FRMD5: variants seen among roughly 807,000 people sequenced by gnomAD.
FRMD5 encodes the protein FERM domain-containing protein 5.
In FRMD5, 20 loss-of-function variants were observed where a neutral mutation model predicts 69.0. The observed-to-expected ratio is 0.29, with a 90% CI of 0.20 to 0.42. The LOEUF (loss-of-function observed/expected upper bound fraction) is 0.42. FRMD5 is among the 10% of genes least tolerant of loss of function. The pLI is 1.00. For synonymous variants in FRMD5, 271 were observed against 260.1 expected (o/e 1.04, Z -0.40); for missense variants, 595 against 708.6 (o/e 0.84, Z 1.82).
chr15:43,949,004 T>C (rs1006594560), intron 1 of FRMD5, among the ~76,000 whole-genome samples: 3 of 152,256 alleles, frequency 2.0e-5, no homozygotes, highest in African/African-American at 7.2e-5. Context: ...AGTAAGAATC[T>C]AGAATTTGGG....
chr15:44,010,054 T>C (rs1050355814), intron 1 of FRMD5, among the ~76,000 whole-genome samples: 1 of 152,220 alleles, frequency 6.6e-6, no homozygotes. Flanking sequence ...ATCCAATTTC[T>C]GCATTATGCT....
chr15:44,144,423 G>C (rs898204836), intron 1 of FRMD5, among the ~76,000 whole-genome samples: 8 of 152,172 alleles, frequency 5.3e-5, no homozygotes, highest in Non-Finnish European at 1.2e-4. Context: ...CAAGGACACA[G>C]TAAATCAGTG....
chr15:44,075,588 CCTTTT>C (rs2140426597), intron 1 of FRMD5, among the ~76,000 whole-genome samples: 1 of 152,170 alleles, frequency 6.6e-6, no homozygotes, highest in Admixed American at 6.5e-5. Flanking sequence ...ACAGTACTTT[CCTTTT>C]AACTTAGGGT....
intron 1 of FRMD5, among the ~76,000 whole-genome samples, chr15:44,186,088 C>T (rs903272144): frequency 1.6e-4 from 25 of 152,080 alleles, no homozygotes; most frequent in African/African-American, 6.0e-4. Flanking sequence ...TCACCACACC[C>T]AGCTAATTTT....
intron 1 of FRMD5, among the ~76,000 whole-genome samples, chr15:44,024,289 C>G (rs1440759793): frequency 6.6e-6 from 1 of 151,850 alleles, no homozygotes; most frequent in Non-Finnish European, 1.5e-5. Flanking sequence ...AATATTGGCA[C>G]TAAACATGTC....
At chr15:43,969,214 T>C (rs914370327) in intron 1 of FRMD5, among the ~76,000 whole-genome samples, 2 of 151,880 alleles carry the variant, frequency 1.3e-5, no homozygotes, top group African/African-American at 4.8e-5. Context: ...CCTGAGTAGC[T>C]GGGACTACAG....
intron 1 of FRMD5, among the ~76,000 whole-genome samples, chr15:44,120,769 C>G (rs1220419388): frequency 6.6e-6 from 1 of 151,560 alleles, no homozygotes; most frequent in Non-Finnish European, 1.5e-5. Flanking sequence ...ACCTCGTGAT[C>G]CGCCCGTCTC....
chr15:44,141,423 G>A (rs1423016845), intron 1 of FRMD5, among the ~76,000 whole-genome samples: 1 of 152,126 alleles, frequency 6.6e-6, no homozygotes, highest in Non-Finnish European at 1.5e-5. Flanking sequence ...TACATACACA[G>A]AAATTTGGTT....
At chr15:44,079,849 T>C (rs1374890325) in intron 1 of FRMD5, among the ~76,000 whole-genome samples, 1 of 151,974 alleles carries the variant, frequency 6.6e-6, no homozygotes, top group African/African-American at 2.4e-5. Flanking sequence ...TGGATGGACC[T>C]TGACAACACT....
At chr15:43,953,575 C>T (rs965221133) in intron 1 of FRMD5, among the ~76,000 whole-genome samples, 1 of 152,204 alleles carries the variant, frequency 6.6e-6, no homozygotes, top group Non-Finnish European at 1.5e-5. Flanking sequence ...GCTCACTAAG[C>T]CTTGTTGCAG....
intron 1 of FRMD5, 30 bp downstream of exon 1, chr15:44,194,923 G>C: frequency 6.7e-7 from 1 of 1,502,244 alleles, no homozygotes; most frequent in Non-Finnish European, 8.9e-7. Flanking sequence ...AGGGGGTCCC[G>C]CGGGCGGGGC....
At chr15:44,164,339 CT>C (rs1286532851) in intron 1 of FRMD5, among the ~76,000 whole-genome samples, 5 of 152,112 alleles carry the variant, frequency 3.3e-5, no homozygotes, top group Non-Finnish European at 7.3e-5. Flanking sequence ...TATGGATTCA[CT>C]TAACAACACT....
At chr15:43,930,352 A>G (rs2089653382) in intron 1 of FRMD5, among the ~76,000 whole-genome samples, 1 of 152,192 alleles carries the variant, frequency 6.6e-6, no homozygotes, top group Non-Finnish European at 1.5e-5. Context: ...GTAGCAGGTC[A>G]CCACAAATGT....
At chr15:44,125,107 T>C (rs968496043) in intron 1 of FRMD5, among the ~76,000 whole-genome samples, 2 of 152,180 alleles carry the variant, frequency 1.3e-5, no homozygotes, top group Non-Finnish European at 2.9e-5. Flanking sequence ...AATAAGAATG[T>C]TGTGCAAGTC....
chr15:44,050,649 C>T (rs570639967), intron 1 of FRMD5, among the ~76,000 whole-genome samples: 1 of 95,866 alleles, frequency 1.0e-5, no homozygotes, highest in South Asian at 4.7e-4. Context: ...GTGTGAGGCA[C>T]ACTGGCCTTT....
intron 1 of FRMD5, among the ~76,000 whole-genome samples, chr15:44,168,387 C>A (rs1297316992): frequency 2.0e-5 from 3 of 152,292 alleles, no homozygotes; most frequent in South Asian, 2.1e-4. Context: ...ACATATAGAT[C>A]ATCTATTTGA....
chr15:44,046,056 C>A (rs534083665), intron 1 of FRMD5, among the ~76,000 whole-genome samples: 5 of 152,052 alleles, frequency 3.3e-5, no homozygotes, highest in Non-Finnish European at 5.9e-5. Flanking sequence ...CTGCAGTCAT[C>A]TCCTTGATTA....
intron 4 of FRMD5, among the ~76,000 whole-genome samples, chr15:43,913,067 T>C (rs917976799): frequency 6.0e-5 from 9 of 151,138 alleles, no homozygotes; most frequent in South Asian, 2.1e-4. Context: ...AAAGGCCCCT[T>C]TAAAGTTTCT....
At chr15:44,038,909 T>C (rs940613113) in intron 1 of FRMD5, among the ~76,000 whole-genome samples, 1 of 152,124 alleles carries the variant, frequency 6.6e-6, no homozygotes, top group African/African-American at 2.4e-5. Context: ...CCCACCCCCA[T>C]AGAGCCGAGC....
Sources: allele counts gnomAD v4.1 joint callset (sites outside exome capture counted in the v4.1 genomes callset), GRCh38; gene constraint gnomAD v4.1.1; transcripts MANE v1.5; gene names NCBI Gene and HGNC (gene_info 2026-07-23, HGNC 2026-07-21).